C12orf42: variants seen among roughly 807,000 people sequenced by gnomAD.
The protein encoded by C12orf42 is chromosome 12 open reading frame 42.
A neutral mutation model predicts 21.6 loss-of-function variants in C12orf42; 25 were observed. The ratio of observed to expected loss-of-function variants is 1.16; its 90% CI spans 0.84 to 1.62. C12orf42 has a LOEUF of 1.62. Among genes scored for constraint, C12orf42 ranks in the 40% most tolerant of loss-of-function variants. The pLI, the probability that C12orf42 is intolerant of heterozygous loss-of-function variation, is 0.00. For missense variants in C12orf42, 483 were observed against 459.3 expected (o/e 1.05, Z -0.47); for synonymous variants, 174 against 175.0 (o/e 0.99, Z 0.05).
chr12:103,257,206 C>T (rs565975077), intron 10 of C12orf42, among the ~76,000 whole-genome samples: 3 of 151,950 alleles, frequency 2.0e-5, no homozygotes, highest in East Asian at 1.9e-4. Flanking sequence ...TTTCAAAGGG[C>T]GGAGGTGGGA....
intron 5 of C12orf42, among the ~76,000 whole-genome samples, chr12:103,276,552 T>G (rs1397965868): frequency 2.0e-5 from 3 of 152,192 alleles, no homozygotes; most frequent in Admixed American, 6.5e-5. Flanking sequence ...TGCTTTTTCC[T>G]CTGCCATAAG....
At chr12:103,278,799 A>G (rs763616721) in intron 4 of C12orf42, among the ~76,000 whole-genome samples, 2 of 152,220 alleles carry the variant, frequency 1.3e-5, no homozygotes, top group Non-Finnish European at 2.9e-5. Context: ...TCCAAAATAA[A>G]TCCAATGGCT....
chr12:103,087,238 A>G, the C12orf42 span, among the ~76,000 whole-genome samples: 3 of 152,172 alleles, frequency 2.0e-5, no homozygotes, highest in Admixed American at 1.3e-4. Flanking sequence ...AATGACTGTA[A>G]AATTTAAGCA....
intron 5 of C12orf42, among the ~76,000 whole-genome samples, chr12:103,305,572 T>C (rs1024879757): frequency 6.6e-6 from 1 of 152,196 alleles, no homozygotes; most frequent in Non-Finnish European, 1.5e-5. Context: ...TCCTGTGCTA[T>C]GAATTCACAA....
chr12:103,447,555 C>T (rs922848532), intron 2 of C12orf42, among the ~76,000 whole-genome samples: 1 of 151,886 alleles, frequency 6.6e-6, no homozygotes, highest in Non-Finnish European at 1.5e-5. Context: ...AAAGAACCAT[C>T]CAAAAAGCTC....
chr12:103,189,707 G>T, the C12orf42 span, among the ~76,000 whole-genome samples: 6 of 152,232 alleles, frequency 3.9e-5, no homozygotes, highest in African/African-American at 1.4e-4. Flanking sequence ...ACAAACCCAG[G>T]CACCAGGCCC....
chr12:103,497,012 G>A (rs925123189), upstream of C12orf42, among the ~76,000 whole-genome samples: 62 of 151,574 alleles, frequency 4.1e-4, 1 homozygote, highest in Admixed American at 1.1e-3. Context: ...CTAAAGTCTC[G>A]TGATCATCGA....
At chr12:103,148,460 T>C in the C12orf42 span, among the ~76,000 whole-genome samples, 1 of 152,244 alleles carries the variant, frequency 6.6e-6, no homozygotes. Context: ...ACTATACTGA[T>C]CTTTTTTGAT....
At chr12:103,510,728 TAGAG>T in the C12orf42 span, among the ~76,000 whole-genome samples, 6 of 152,302 alleles carry the variant, frequency 3.9e-5, no homozygotes, top group East Asian at 1.2e-3. Context: ...TGCTGTGGGT[TAGAG>T]AGAGGCCAGA....
At chr12:103,386,570 T>A (rs745486607) in intron 3 of C12orf42, among the ~76,000 whole-genome samples, 1 of 152,234 alleles carries the variant, frequency 6.6e-6, no homozygotes, top group Non-Finnish European at 1.5e-5. Context: ...CCTGAAATCA[T>A]TTTTAATGTA....
At chr12:103,192,517 A>AG in the C12orf42 span, among the ~76,000 whole-genome samples, 1 of 151,842 alleles carries the variant, frequency 6.6e-6, no homozygotes, top group Non-Finnish European at 1.5e-5. Context: ...AAAAAAAAAA[A>AG]AGAATACACA....
At chr12:103,084,392 T>C in the C12orf42 span, among the ~76,000 whole-genome samples, 1 of 150,868 alleles carries the variant, frequency 6.6e-6, no homozygotes, top group Non-Finnish European at 1.5e-5. Context: ...TATACACTAC[T>C]TTTTTTTAAA....
At chr12:103,120,389 G>A in the C12orf42 span, among the ~76,000 whole-genome samples, 1 of 152,142 alleles carries the variant, frequency 6.6e-6, no homozygotes, top group Non-Finnish European at 1.5e-5. Context: ...TAAACAAAAA[G>A]GACATAGCCA....
At chr12:103,074,348 C>A in the C12orf42 span, among the ~76,000 whole-genome samples, 2 of 152,164 alleles carry the variant, frequency 1.3e-5, no homozygotes, top group African/African-American at 4.8e-5. Context: ...GAACATAGGT[C>A]TTTCTCTGGA....
the C12orf42 span, among the ~76,000 whole-genome samples, chr12:103,524,966 G>T: frequency 6.6e-6 from 1 of 151,068 alleles, no homozygotes; most frequent in Admixed American, 6.6e-5. Flanking sequence ...TTTTTTTGGG[G>T]GGGGGGCAGG....
the C12orf42 span, among the ~76,000 whole-genome samples, chr12:103,193,644 A>G: frequency 6.6e-6 from 1 of 152,132 alleles, no homozygotes; most frequent in Non-Finnish European, 1.5e-5. Flanking sequence ...GACTGAAACA[A>G]GAAGAAATAG....
chr12:103,277,086 T>C (rs1251833044), intron 5 of C12orf42: 3 of 454,190 alleles, frequency 6.6e-6, no homozygotes, highest in African/African-American at 6.0e-5. Context: ...GGAAGATTGC[T>C]GGATACAAAA....
chr12:103,539,355 C>T, the C12orf42 span, among the ~76,000 whole-genome samples: 1 of 123,632 alleles, frequency 8.1e-6, no homozygotes, highest in Non-Finnish European at 1.9e-5. Flanking sequence ...TAATATTATG[C>T]TTGGTTCTTT....
At chr12:103,375,588 T>C (rs2045622912) in intron 3 of C12orf42, among the ~76,000 whole-genome samples, 1 of 152,202 alleles carries the variant, frequency 6.6e-6, no homozygotes, top group Non-Finnish European at 1.5e-5. Context: ...TTATTATTTA[T>C]TGCATCATAG....
Sources: allele counts gnomAD v4.1 joint callset (sites outside exome capture counted in the v4.1 genomes callset), GRCh38; gene constraint gnomAD v4.1.1; transcripts MANE v1.5; gene names NCBI Gene and HGNC (gene_info 2026-07-23, HGNC 2026-07-21).